The following CCNH variants were observed in gnomAD, a reference collection of about 807,000 sequenced individuals.
CCNH encodes the protein cyclin-H.
A neutral mutation model predicts 41.9 loss-of-function variants in CCNH; 31 were observed. The observed-to-expected ratio is 0.74, with a 90% CI of 0.56 to 1.00. The LOEUF is 1.00. Among genes scored for constraint, CCNH ranks in the 50% least tolerant of loss-of-function variants. The pLI is 0.00. For missense variants in CCNH, 362 were observed against 388.4 expected, an observed-to-expected ratio of 0.93 and a Z score of 0.57; for synonymous variants, 138 against 136.1, an observed-to-expected ratio of 1.01 and a Z score of -0.10.
chr5:87,394,752 G>T (rs1480111696), intron 8 of CCNH: 4 of 1,332,076 alleles, frequency 3.0e-6, no homozygotes, highest in African/African-American at 1.5e-5. Context: ...TTTTTAAAAG[G>T]GGGTAAGGGA....
intron 9 of CCNH, among the ~76,000 whole-genome samples, chr5:87,335,709 A>T (rs1247808010): frequency 6.6e-6 from 1 of 152,184 alleles, no homozygotes; most frequent in Non-Finnish European, 1.5e-5. Context: ...TGCAGGCATG[A>T]GCCATCGTGG....
intron 7 of CCNH, among the ~76,000 whole-genome samples, chr5:87,397,837 C>T (rs1239063680): frequency 9.2e-5 from 14 of 152,202 alleles, no homozygotes; most frequent in Non-Finnish European, 1.5e-5. Flanking sequence ...TATTTTCGGC[C>T]TTGCAGGCCC....
downstream of CCNH, among the ~76,000 whole-genome samples, chr5:87,372,994 C>G (rs1761060278): frequency 6.6e-6 from 1 of 152,114 alleles, no homozygotes; most frequent in South Asian, 2.1e-4. Context: ...TACACACAAT[C>G]GCCATGTCTT....
intron 9 of CCNH, chr5:87,363,368 A>C: frequency 6.2e-7 from 1 of 1,610,534 alleles, no homozygotes; most frequent in South Asian, 1.1e-5. Flanking sequence ...ACGTTGGAAA[A>C]ATTTATATTT....
At chr5:87,360,079 T>G (rs1292431980) in intron 9 of CCNH, among the ~76,000 whole-genome samples, 4 of 152,066 alleles carry the variant, frequency 2.6e-5, no homozygotes, top group Non-Finnish European at 5.9e-5. Context: ...ACATCACTAC[T>G]GGAATCTAGC....
downstream of CCNH, among the ~76,000 whole-genome samples, chr5:87,317,598 G>T (rs1318582231): frequency 1.3e-5 from 2 of 150,190 alleles, no homozygotes; most frequent in African/African-American, 4.9e-5. Flanking sequence ...AGGAAAAGAT[G>T]ACCTTTTTCC....
chr5:87,376,157 A>T (rs986132098), downstream of CCNH: 2 of 557,114 alleles, frequency 3.6e-6, no homozygotes, highest in Admixed American at 6.2e-5. Context: ...ACTGACCTCT[A>T]TGCAACTCAA....
chr5:87,376,825 T>C (rs1761359021), exon 1 of CCNH: 8 of 1,500,770 alleles, frequency 5.3e-6, no homozygotes, highest in Non-Finnish European at 7.4e-6. Flanking sequence ...GTTAGTCTCA[T>C]GGAGCATGCT....
At chr5:87,351,942 T>C (rs1365199351) in intron 9 of CCNH, among the ~76,000 whole-genome samples, 1 of 151,832 alleles carries the variant, frequency 6.6e-6, no homozygotes, top group Non-Finnish European at 1.5e-5. Flanking sequence ...ACCTTTGATG[T>C]TTACTGATTT....
Position 87,322,549 on chromosome 5 carries a change from C to T in CCNH, c.*91-3652G>A, listed in dbSNP as rs561949753. On this transcript the variant is annotated intron_variant and NMD_transcript_variant, in intron 9 of 9. Transcript: ENST00000645953. ...AGGAGCCTGGCTCCTCCCCCCTTCT[C>T]TTGCTCTCTCTGGTCATGTGATGTG... Among the ~76,000 whole-genome samples, 12 of 152,280 alleles carry T rather than the reference C, an allele frequency of 7.9e-5. No individual in the cohort carries two copies. In the East Asian group the frequency reaches 2.3e-3, roughly 29 times the overall value.
downstream of CCNH, among the ~76,000 whole-genome samples, chr5:87,313,894 G>A (rs1171246519): frequency 6.6e-6 from 1 of 152,170 alleles, no homozygotes; most frequent in Admixed American, 6.5e-5. Flanking sequence ...TGGGCCGGGC[G>A]TGGTGGCTCA....
upstream of CCNH, among the ~76,000 whole-genome samples, chr5:87,378,952 AAAAC>A (rs1761515844): frequency 6.6e-6 from 1 of 152,200 alleles, no homozygotes; most frequent in Non-Finnish European, 1.5e-5. Context: ...AACCTCAACT[AAAAC>A]AAAAAAATCT....
intron 9 of CCNH, among the ~76,000 whole-genome samples, chr5:87,330,346 TATAA>T (rs1202776256): frequency 2.0e-5 from 3 of 152,112 alleles, no homozygotes; most frequent in African/African-American, 7.2e-5. Context: ...TTATTACACA[TATAA>T]GATTACAAAT....
In CCNH at chr5:87,412,777, A is replaced by C. The variant is rs1764370014; in HGVS notation, c.18T>G (p.Ser6Arg). The C allele has an allele frequency of 6.2e-7, 1 of 1,614,042 alleles. No individual in the cohort carries two copies. Among genetic ancestry groups the C allele is most frequent in the South Asian group, 1.1e-5 (1 of 91,084 alleles). Residue 6 changes from serine (S) to arginine (R), a missense_variant, in exon 1 of 9, where the codon AGT (serine) becomes AGG (arginine). Physicochemically the swap from Ser to Arg is moderately radical, Grantham distance 110. Transcript: ENST00000256897. Reference sequence around the variant, plus strand: ...TGGAGAAGGTCCAGTGCCGCTTCTGACTACTGTTGTGGTACATTATGGAAT... The same window carrying C: ...TGGAGAAGGTCCAGTGCCGCTTCTGCCTACTGTTGTGGTACATTATGGAAT... MYHNSSQKRHWTFSSE... is the reference protein window; with the variant it reads MYHNSRQKRHWTFSSE...
At chr5:87,311,780 G>A in the CCNH span, among the ~76,000 whole-genome samples, 1 of 152,172 alleles carries the variant, frequency 6.6e-6, no homozygotes, top group African/African-American at 2.4e-5. Context: ...TGACTCCAGA[G>A]GTCAGACTGA....
At chr5:87,359,290 C>CATT (rs1353050989) in intron 9 of CCNH, among the ~76,000 whole-genome samples, 4 of 152,122 alleles carry the variant, frequency 2.6e-5, no homozygotes. Flanking sequence ...AGACTCTAAC[C>CATT]AATCAGATTA....
downstream of CCNH, chr5:87,392,433 A>G: frequency 2.3e-6 from 1 of 443,046 alleles, no homozygotes; most frequent in South Asian, 1.6e-5. Context: ...AAATCAGCTC[A>G]ATTCATTCCA....
intron 4 of CCNH, among the ~76,000 whole-genome samples, chr5:87,406,413 T>A (rs191522693): frequency 5.9e-5 from 9 of 152,282 alleles, no homozygotes; most frequent in Non-Finnish European, 8.8e-5. Flanking sequence ...ACCTGGGGGT[T>A]CTTCCTCTGT....
At chr5:87,412,044 T>TC (rs1764290084) in intron 1 of CCNH, among the ~76,000 whole-genome samples, 1 of 152,162 alleles carries the variant, frequency 6.6e-6, no homozygotes, top group Non-Finnish European at 1.5e-5. Flanking sequence ...CTGGTCTCCC[T>TC]CCCTCATCCA....
Sources: allele counts gnomAD v4.1 joint callset (sites outside exome capture counted in the v4.1 genomes callset), GRCh38; gene constraint gnomAD v4.1.1; transcripts MANE v1.5; gene names NCBI Gene and HGNC (gene_info 2026-07-23, HGNC 2026-07-21).